The following SPPL3 variants were observed in gnomAD, a reference collection of about 807,000 sequenced individuals.
SPPL3 encodes signal peptide peptidase-like 3.
A neutral mutation model predicts 42.4 loss-of-function variants in SPPL3; 5 were observed. The observed-to-expected ratio is 0.12, with a 90% CI of 0.06 to 0.25. The LOEUF (loss-of-function observed/expected upper bound fraction) is 0.25, where lower values mean the gene tolerates loss of function less well. Ranked by LOEUF, SPPL3 falls within the 10% of genes least tolerant of loss-of-function variation. SPPL3 has a pLI of 1.00. For missense variants in SPPL3, 235 were observed against 489.0 expected (o/e 0.48, Z 4.90); for synonymous variants, 195 against 181.8 (o/e 1.07, Z -0.58).
chr12:120,802,420 T>C (rs1235468918), intron 2 of SPPL3, among the ~76,000 whole-genome samples: 2 of 125,048 alleles, frequency 1.6e-5, no homozygotes, highest in Non-Finnish European at 3.1e-5. Context: ...TGTGTGTATA[T>C]ATATATATAT....
chr12:120,882,205 T>C (rs994656795), intron 1 of SPPL3, among the ~76,000 whole-genome samples: 1 of 152,064 alleles, frequency 6.6e-6, no homozygotes, highest in African/African-American at 2.4e-5. Context: ...GTTATCAGAT[T>C]GAATAAACAG....
Position 120,902,394 on chromosome 12 carries a change from TA to T in SPPL3, c.23+1450del, listed in dbSNP as rs1177325641. Among the ~76,000 whole-genome samples, 6 of 152,358 alleles carry T rather than the reference TA, an allele frequency of 3.9e-5. No individual in the cohort carries two copies. In the East Asian group the frequency reaches 7.7e-4, roughly 20 times the overall value. On this transcript the variant is annotated intron_variant, in intron 1 of 10. Coordinates refer to ENST00000353487, the MANE Select transcript of SPPL3 (RefSeq NM_139015.5). ...AATAATCCACTCAAAGTCTTCTACC[TA>T]AAACCATTCCTTATTTTCTGATATT...
chr12:120,859,176 G>T (rs1055272570), intron 1 of SPPL3, among the ~76,000 whole-genome samples: 5 of 151,776 alleles, frequency 3.3e-5, no homozygotes, highest in African/African-American at 1.2e-4. Context: ...TTTTTGGGGT[G>T]GGGGGCGTGG....
At chr12:120,903,809 T>G in intron 1 of SPPL3, 36 bp downstream of exon 1, 9 of 1,250,802 alleles carry the variant, frequency 7.2e-6, no homozygotes, top group Non-Finnish European at 7.1e-6. Flanking sequence ...ACCCCCACCC[T>G]TGCCGCCTCC....
intron 1 of SPPL3, among the ~76,000 whole-genome samples, chr12:120,857,689 C>T (rs1452523321): frequency 1.3e-5 from 2 of 152,100 alleles, no homozygotes; most frequent in African/African-American, 4.8e-5. Context: ...GAGCTGGAAG[C>T]CATCATCCTC....
At chr12:120,766,190 C>T (rs1020026493) in intron 10 of SPPL3, 73 bp downstream of exon 10, 7 of 1,245,058 alleles carry the variant, frequency 5.6e-6, no homozygotes, top group African/African-American at 1.5e-5. Flanking sequence ...TCACCTCCAG[C>T]GAGGAGAGTG....
chr12:120,903,836 C>G lies in SPPL3; in HGVS notation c.23+9G>C. ...GCCGCCTCCCGGCCTCCCGGAGCCC[C>G]GCACTCACCACGAGTAGGTCTGCTC... On this transcript the variant is annotated intron_variant, in intron 1 of 10. Transcript: ENST00000353487. The G allele has an allele frequency of 6.8e-7, 1 of 1,478,882 alleles. No homozygotes were observed. The highest frequency in any genetic ancestry group is 8.9e-7 in the Non-Finnish European group (1 of 1,121,398). 91.6% of individuals were successfully genotyped at this position (1,478,882 alleles called of 1,614,324 possible). A position where few individuals can be genotyped will look rare whatever the true frequency, so the allele number is the denominator to read the frequency against.
At chr12:120,853,348 C>T (rs2062505742) in intron 1 of SPPL3, among the ~76,000 whole-genome samples, 1 of 152,100 alleles carries the variant, frequency 6.6e-6, no homozygotes, top group South Asian at 2.1e-4. Context: ...TCCTGTTAGA[C>T]AAATAAAGTA....
chr12:120,781,597 G>C (rs541788518), intron 6 of SPPL3, among the ~76,000 whole-genome samples: 1 of 78,516 alleles, frequency 1.3e-5, no homozygotes, highest in Non-Finnish European at 2.1e-5. Flanking sequence ...TTTTTGAGAC[G>C]GAGTCTTGCT....
At chr12:120,807,195 A>T (rs1003291493) in intron 2 of SPPL3, among the ~76,000 whole-genome samples, 1 of 152,190 alleles carries the variant, frequency 6.6e-6, no homozygotes, top group African/African-American at 2.4e-5. Context: ...ATATCAGGGA[A>T]ATACAACCCA....
chr12:120,801,171 GATTA>G (rs1469472120), intron 2 of SPPL3, among the ~76,000 whole-genome samples: 3 of 152,236 alleles, frequency 2.0e-5, no homozygotes, highest in Non-Finnish European at 2.9e-5. Flanking sequence ...ACACAGGAAA[GATTA>G]ATTGAGAGTC....
At chr12:120,901,539 C>T (rs938856192) in intron 1 of SPPL3, among the ~76,000 whole-genome samples, 1 of 143,182 alleles carries the variant, frequency 7.0e-6, no homozygotes, top group African/African-American at 2.6e-5. Context: ...TGCAGTGAGC[C>T]GAGATGGCGC....
chr12:120,781,540 T>A, intron 6 of SPPL3, among the ~76,000 whole-genome samples: 1 of 144,736 alleles, frequency 6.9e-6, no homozygotes, highest in Admixed American at 6.9e-5. Context: ...TCTAATCCCA[T>A]CTCCTTATTG....
At chr12:120,768,650 C>G in intron 7 of SPPL3, 162 bp from the exon 8 acceptor site, 1 of 844,592 alleles carries the variant, frequency 1.2e-6, no homozygotes, top group Non-Finnish European at 1.8e-6. Context: ...TGTGTACTTG[C>G]CAATTTCTGC....
At chr12:120,838,445 CA>C (rs1206381226) in intron 1 of SPPL3, among the ~76,000 whole-genome samples, 4 of 152,184 alleles carry the variant, frequency 2.6e-5, no homozygotes, top group Admixed American at 6.5e-5. Flanking sequence ...GCAGATCAAT[CA>C]GGGGCCAAGA....
At position 120,879,692 on chromosome 12, in the gene SPPL3, C is replaced by T. The variant is rs539341577; in HGVS notation, c.23+24153G>A. Among the ~76,000 whole-genome samples, 6 of 152,150 alleles carry T rather than the reference C, an allele frequency of 3.9e-5. No homozygotes were observed. The East Asian group carries it at 1.2e-3, about 29-fold the overall frequency. ...CCATTAATTGCAGAGTCAAAAATAC[C>T]TGTGTTCAAATGCTACATGTGCCAC... is the stretch of plus-strand genomic sequence containing the variant. On this transcript the variant is annotated intron_variant, in intron 1 of 10. Transcript: ENST00000353487.
At chr12:120,783,466 A>C (rs756652690) in intron 5 of SPPL3, among the ~76,000 whole-genome samples, 1 of 152,218 alleles carries the variant, frequency 6.6e-6, no homozygotes, top group Non-Finnish European at 1.5e-5. Context: ...CAGACTTCCT[A>C]AGTTTTGTTT....
chr12:120,768,669 C>T lies in SPPL3; in HGVS notation c.610-181G>A, dbSNP rs1039596286. 185 of 745,282 alleles carry T rather than the reference C, an allele frequency of 2.5e-4. 2 individuals carry two copies. Among genetic ancestry groups the T allele is most frequent in the Middle Eastern group, 1.1e-3 (3 of 2,628 alleles). The allele number at this position is 745,282 out of a possible 1,614,324, so 46.2% of individuals were successfully genotyped here. On this transcript the variant is annotated intron_variant, in intron 7 of 10. Transcript: ENST00000353487. Reference sequence around the variant, plus strand: ...TACTTGCCAATTTCTGCACTCTCCACACCCAGAGATTACTCCCTGACGGGG... The same window carrying T: ...TACTTGCCAATTTCTGCACTCTCCATACCCAGAGATTACTCCCTGACGGGG...
chr12:120,866,112 T>C (rs1872747101), intron 1 of SPPL3, among the ~76,000 whole-genome samples: 2 of 152,196 alleles, frequency 1.3e-5, no homozygotes, highest in Admixed American at 6.5e-5. Context: ...TTATGGTGAG[T>C]TGTATAATTA....
Sources: allele counts gnomAD v4.1 joint callset (sites outside exome capture counted in the v4.1 genomes callset), GRCh38; gene constraint gnomAD v4.1.1; transcripts MANE v1.5; gene names NCBI Gene and HGNC (gene_info 2026-07-23, HGNC 2026-07-21).